PTPRQ: variants seen among roughly 807,000 people sequenced by gnomAD.
PTPRQ encodes phosphatidylinositol phosphatase PTPRQ.
PTPRQ carries 199 observed loss-of-function variants against 246.0 expected under a neutral mutation model. The observed-to-expected ratio is 0.81, with a 90% CI of 0.72 to 0.91. The LOEUF is 0.91. Among genes scored for constraint, PTPRQ ranks in the 40% least tolerant of loss-of-function variants. The pLI is 0.00. For synonymous variants in PTPRQ, 869 were observed against 853.2 expected (o/e 1.02, Z -0.32); for missense variants, 2,624 against 2,528.4 (o/e 1.04, Z -0.81).
At chr12:80,477,743 T>G (rs980586042) in intron 8 of PTPRQ, among the ~76,000 whole-genome samples, 2 of 152,104 alleles carry the variant, frequency 1.3e-5, no homozygotes, top group Non-Finnish European at 2.9e-5. Flanking sequence ...GAGTTCCCTT[T>G]CCCCTTGTCA....
chr12:80,452,612 C>A (rs1892805832), intron 3 of PTPRQ, among the ~76,000 whole-genome samples: 1 of 152,134 alleles, frequency 6.6e-6, no homozygotes, highest in African/African-American at 2.4e-5. Flanking sequence ...TTTTATTTCT[C>A]CTTCACTTAT....
At chr12:80,509,637 G>T (rs978828772) in intron 16 of PTPRQ, among the ~76,000 whole-genome samples, 2 of 151,998 alleles carry the variant, frequency 1.3e-5, no homozygotes, top group Non-Finnish European at 2.9e-5. Context: ...TGACTATTTT[G>T]CAGTAATGTT....
rs369862702 is a variant in PTPRQ at position 80,489,987 on chromosome 12, G to GTCTTGCGCT, written c.1360-3288_1360-3287insTCTTGCGCT. Among the ~76,000 whole-genome samples, 47 of 151,784 alleles carry GTCTTGCGCT rather than the reference G, an allele frequency of 3.1e-4. 1 individual carries two copies. On this transcript the variant is annotated intron_variant, in intron 9 of 44. Coordinates refer to ENST00000644991, the MANE Select transcript of PTPRQ (RefSeq NM_001145026.2). ...CAACGTTTGTCACTGGTGAATGTAA[G>GTCTTGCGCT]AAGAAAGTCTTGTGCTAAGGGCTTG...
intron 9 of PTPRQ, among the ~76,000 whole-genome samples, chr12:80,492,187 G>C (rs1894471345): frequency 6.6e-6 from 1 of 151,810 alleles, no homozygotes; most frequent in Non-Finnish European, 1.5e-5. Context: ...TGCCATTCTT[G>C]CCTCCGGTTT....
chr12:80,472,256 G>A lies in PTPRQ; in HGVS notation c.1186+5G>A. The A allele has an allele frequency of 6.4e-7, 1 of 1,551,234 alleles. No individual in the cohort carries two copies. The highest frequency in any genetic ancestry group is 8.7e-7 in the Non-Finnish European group (1 of 1,146,878). On this transcript the variant is annotated splice_donor_5th_base_variant and intron_variant, in intron 8 of 44. Transcript: ENST00000644991. Reference sequence around the variant, plus strand: ...CAGTATTCACTCCACCAGATGGTAAGAACATAGGGAATGAGTGAGATATTT... The same window carrying A: ...CAGTATTCACTCCACCAGATGGTAAAAACATAGGGAATGAGTGAGATATTT...
chr12:80,505,273 C>CT (rs1051553765), intron 14 of PTPRQ, among the ~76,000 whole-genome samples: 15 of 151,910 alleles, frequency 9.9e-5, no homozygotes, highest in Non-Finnish European at 2.1e-4. Context: ...TTTTCTGTGA[C>CT]TTTTTTTGGC....
chr12:80,604,786 T>C (rs913250269), intron 26 of PTPRQ, among the ~76,000 whole-genome samples: 1 of 151,528 alleles, frequency 6.6e-6, no homozygotes, highest in East Asian at 1.9e-4. Context: ...AGTAATGCTT[T>C]CCTTTCAAAA....
At chr12:80,499,689 A>G (rs1271235850) in intron 14 of PTPRQ, among the ~76,000 whole-genome samples, 2 of 151,896 alleles carry the variant, frequency 1.3e-5, no homozygotes, top group Non-Finnish European at 2.9e-5. Flanking sequence ...TATCTTTTTA[A>G]GAGAAATAGA....
Position 80,503,130 on chromosome 12 carries a change from G to A in PTPRQ, c.2273-2894G>A, listed in dbSNP as rs142749065. Among the ~76,000 whole-genome samples the A allele has an allele frequency of 4.6e-5, 7 of 151,910 alleles. No individual in the cohort carries two copies. In the East Asian group the frequency reaches 7.7e-4, roughly 17 times the overall value. ...AACTACCCAACTCCTACACCCTATC[G>A]TTAGTGAGACTATGGTAGAAAAACA... On this transcript the variant is annotated intron_variant, in intron 14 of 44. Transcript: ENST00000644991.
chr12:80,568,617 G>A (rs565096141), intron 25 of PTPRQ, among the ~76,000 whole-genome samples: 3 of 152,158 alleles, frequency 2.0e-5, no homozygotes, highest in African/African-American at 4.8e-5. Flanking sequence ...CTGAAACTCC[G>A]TTTATGTTAT....
intron 25 of PTPRQ, among the ~76,000 whole-genome samples, chr12:80,555,321 A>G (rs960319593): frequency 2.0e-5 from 3 of 152,038 alleles, no homozygotes; most frequent in Admixed American, 6.6e-5. Context: ...AGCCTCCCAA[A>G]GTGTTGGGAT....
chr12:80,572,014 C>G (rs1897158539), intron 25 of PTPRQ, among the ~76,000 whole-genome samples: 1 of 151,942 alleles, frequency 6.6e-6, no homozygotes, highest in South Asian at 2.1e-4. Flanking sequence ...CTTTGCATGT[C>G]CATATAAACT....
chr12:80,511,956 A>G (rs1402233328), intron 17 of PTPRQ, among the ~76,000 whole-genome samples: 1 of 152,238 alleles, frequency 6.6e-6, no homozygotes, highest in Non-Finnish European at 1.5e-5. Flanking sequence ...ATTGTCAGGG[A>G]CAAAAGTGTT....
chr12:80,567,574 G>A (rs1048395616), intron 25 of PTPRQ, among the ~76,000 whole-genome samples: 2 of 152,124 alleles, frequency 1.3e-5, no homozygotes, highest in African/African-American at 4.8e-5. Flanking sequence ...TAAGCTGTCT[G>A]TGTTCTCTTA....
At chr12:80,590,348 GCAGATGATGT>G (rs1047664344) in intron 26 of PTPRQ, among the ~76,000 whole-genome samples, 1 of 151,990 alleles carries the variant, frequency 6.6e-6, no homozygotes, top group Admixed American at 6.6e-5. Flanking sequence ...TCAACCTAAA[GCAGATGATGT>G]CACTTTCTTG....
intron 34 of PTPRQ, among the ~76,000 whole-genome samples, chr12:80,633,683 A>G (rs982388453): frequency 6.6e-6 from 1 of 152,198 alleles, no homozygotes; most frequent in Non-Finnish European, 1.5e-5. Flanking sequence ...TGAAAAAGAT[A>G]TTTTCTCTAT....
At chr12:80,589,232 T>C (rs1897714395) in intron 26 of PTPRQ, among the ~76,000 whole-genome samples, 1 of 152,170 alleles carries the variant, frequency 6.6e-6, no homozygotes, top group Non-Finnish European at 1.5e-5. Context: ...AGAATTGTGA[T>C]GGTTACTATG....
chr12:80,659,196 GA>G (rs1193441493), intron 39 of PTPRQ, among the ~76,000 whole-genome samples: 3 of 151,898 alleles, frequency 2.0e-5, no homozygotes, highest in Non-Finnish European at 4.4e-5. Context: ...TGTATTTAAA[GA>G]ATTACATGAA....
intron 17 of PTPRQ, among the ~76,000 whole-genome samples, chr12:80,511,919 T>A (rs1374487410): frequency 6.6e-6 from 1 of 152,188 alleles, no homozygotes; most frequent in Non-Finnish European, 1.5e-5. Flanking sequence ...ATAATTTAAA[T>A]CACTTTAGAT....
Sources: allele counts gnomAD v4.1 joint callset (sites outside exome capture counted in the v4.1 genomes callset), GRCh38; gene constraint gnomAD v4.1.1; transcripts MANE v1.5; gene names NCBI Gene and HGNC (gene_info 2026-07-23, HGNC 2026-07-21).